The following UVRAG variants were observed in gnomAD, a reference collection of about 807,000 sequenced individuals.
The protein encoded by UVRAG is UV radiation resistance-associated gene protein.
A neutral mutation model predicts 78.0 loss-of-function variants in UVRAG; 19 were observed. The observed-to-expected ratio is 0.24, with a 90% CI of 0.17 to 0.36. UVRAG has a LOEUF of 0.36. Ranked by LOEUF, UVRAG falls within the 10% of genes least tolerant of loss-of-function variation. The pLI, the probability that UVRAG is intolerant of heterozygous loss-of-function variation, is 1.00. For synonymous variants in UVRAG, 323 were observed against 324.6 expected, an observed-to-expected ratio of 1.00 and a Z score of 0.05; for missense variants, 740 against 853.8, an observed-to-expected ratio of 0.87 and a Z score of 1.66.
chr11:75,895,369 C>A (rs1161009689), intron 5 of UVRAG, among the ~76,000 whole-genome samples: 1 of 152,166 alleles, frequency 6.6e-6, no homozygotes, highest in African/African-American at 2.4e-5. Flanking sequence ...TTATCTGCTT[C>A]TCCCAAAGGC....
Position 76,081,842 on chromosome 11 carries a change from A to T in UVRAG, c.1305+16054A>T, listed in dbSNP as rs112989531. 7.0e-3 allele frequency among the ~76,000 whole-genome samples: 1,070 copies of T among 151,926 alleles called. 17 individuals are homozygous for T. The highest frequency in any genetic ancestry group is 0.025 in the African/African-American group (1,021 of 41,422). ...TCGACAATATGTTCATCATTAATTA[A>T]GGTATATTTATGTAATCAAATACTG... On this transcript the variant is annotated intron_variant, in intron 13 of 14. Coordinates refer to ENST00000356136, the MANE Select transcript of UVRAG (RefSeq NM_003369.4).
chr11:76,090,614 C>T (rs962893169), intron 13 of UVRAG, among the ~76,000 whole-genome samples: 7 of 152,156 alleles, frequency 4.6e-5, no homozygotes, highest in African/African-American at 1.4e-4. Flanking sequence ...ATTACTTTGT[C>T]TATATAAATA....
chr11:75,824,774 C>T (rs994251717), intron 1 of UVRAG, among the ~76,000 whole-genome samples: 3 of 148,322 alleles, frequency 2.0e-5, no homozygotes, highest in African/African-American at 5.0e-5. Context: ...CCCGGGTTCA[C>T]GCCATTCTCC....
At chr11:75,980,814 TG>T (rs1949376692) in intron 7 of UVRAG, among the ~76,000 whole-genome samples, 1 of 151,650 alleles carries the variant, frequency 6.6e-6, no homozygotes, top group Non-Finnish European at 1.5e-5. Flanking sequence ...CTCAAGTATC[TG>T]GGATTACAGG....
At chr11:75,965,505 C>A (rs924321930) in intron 7 of UVRAG, among the ~76,000 whole-genome samples, 1 of 152,084 alleles carries the variant, frequency 6.6e-6, no homozygotes, top group African/African-American at 2.4e-5. Flanking sequence ...TTAGTAGAGA[C>A]GGGGGTTCAC....
chr11:75,938,687 A>G (rs1263912958), intron 6 of UVRAG, among the ~76,000 whole-genome samples: 1 of 152,044 alleles, frequency 6.6e-6, no homozygotes, highest in Non-Finnish European at 1.5e-5. Context: ...GTCCTGTGAA[A>G]TCTCTGCTTT....
intron 8 of UVRAG, among the ~76,000 whole-genome samples, chr11:76,001,756 T>A (rs1470491291): frequency 6.6e-6 from 1 of 152,180 alleles, no homozygotes; most frequent in African/African-American, 2.4e-5. Flanking sequence ...CAAATAATTA[T>A]GTACAGTAAT....
intron 8 of UVRAG, among the ~76,000 whole-genome samples, chr11:75,989,441 G>A (rs909867486): frequency 6.6e-6 from 1 of 152,102 alleles, no homozygotes; most frequent in African/African-American, 2.4e-5. Context: ...TAGGGCTCAC[G>A]TTTCTTGTTT....
chr11:75,918,048 T>C (rs1947896246), intron 6 of UVRAG, among the ~76,000 whole-genome samples: 1 of 152,012 alleles, frequency 6.6e-6, no homozygotes, highest in African/African-American at 2.4e-5. Flanking sequence ...TACAATCTTT[T>C]ACACTGCTGC....
chr11:75,925,928 G>A (rs76844661), intron 6 of UVRAG, among the ~76,000 whole-genome samples: 2,965 of 152,248 alleles, frequency 0.019, 72 homozygotes, highest in African/African-American at 0.06. Flanking sequence ...TCTGAGTTTA[G>A]TGGTAAAGGC....
intron 8 of UVRAG, among the ~76,000 whole-genome samples, chr11:75,999,236 G>GA (rs1207819495): frequency 1.2e-3 from 10 of 8,632 alleles, no homozygotes; most frequent in East Asian, 3.1e-3. Context: ...CTGCCTCAGA[G>GA]AAAAAAAAAA....
intron 8 of UVRAG, among the ~76,000 whole-genome samples, chr11:76,000,952 A>T (rs1346051603): frequency 6.6e-6 from 1 of 152,252 alleles, no homozygotes; most frequent in Non-Finnish European, 1.5e-5. Context: ...TCAGTGATAA[A>T]GACAAGTAGA....
At chr11:75,884,240 T>TCTCTCTCTCTTTCTCTCTCTCTCTCTC in intron 4 of UVRAG, among the ~76,000 whole-genome samples, 1 of 132,560 alleles carries the variant, frequency 7.5e-6, no homozygotes, top group Admixed American at 7.2e-5. Flanking sequence ...CTCTCTCTCT[T>TCTCTCTCTCTTTCTCTCTCTCTCTCTC]TCTCTCTCTC....
At chr11:76,109,291 A>G (rs543976378) in intron 13 of UVRAG, among the ~76,000 whole-genome samples, 2 of 152,308 alleles carry the variant, frequency 1.3e-5, no homozygotes, top group African/African-American at 2.4e-5. Context: ...TAGCCTGTCC[A>G]TAGCTGCCTT....
chr11:75,913,552 T>C (rs1222224545), intron 6 of UVRAG, among the ~76,000 whole-genome samples: 3 of 152,216 alleles, frequency 2.0e-5, no homozygotes, highest in African/African-American at 7.2e-5. Flanking sequence ...TACAAGCATT[T>C]TCACATTTTT....
chr11:75,887,960 C>A (rs1211920546), intron 4 of UVRAG, among the ~76,000 whole-genome samples: 1 of 152,174 alleles, frequency 6.6e-6, no homozygotes, highest in African/African-American at 2.4e-5. Context: ...CAGCTCACCT[C>A]ATCTGAAATA....
intron 13 of UVRAG, among the ~76,000 whole-genome samples, chr11:76,077,902 GTTGTT>G (rs1951431894): frequency 6.6e-6 from 1 of 152,068 alleles, no homozygotes; most frequent in African/African-American, 2.4e-5. Flanking sequence ...CTTTATCCTA[GTTGTT>G]TTAAAAGATT....
intron 11 of UVRAG, among the ~76,000 whole-genome samples, chr11:76,015,348 A>G: frequency 6.6e-6 from 1 of 152,258 alleles, no homozygotes; most frequent in South Asian, 2.1e-4. Flanking sequence ...TTTAAAAAAT[A>G]ATTGTTATAT....
chr11:76,071,574 CT>C (rs1009923347), intron 13 of UVRAG, among the ~76,000 whole-genome samples: 4 of 151,886 alleles, frequency 2.6e-5, no homozygotes, highest in East Asian at 1.9e-4. Flanking sequence ...CTAGCTACTA[CT>C]TTTTTTTGGC....
Sources: allele counts gnomAD v4.1 joint callset (sites outside exome capture counted in the v4.1 genomes callset), GRCh38; gene constraint gnomAD v4.1.1; transcripts MANE v1.5; gene names NCBI Gene and HGNC (gene_info 2026-07-23, HGNC 2026-07-21).